RHPN2: variants seen among roughly 807,000 people sequenced by gnomAD.
RHPN2 encodes the protein rhophilin-2.
Under a neutral mutation model 79.0 loss-of-function variants are expected in RHPN2, and 40 were observed. The ratio of observed to expected loss-of-function variants is 0.51; its 90% CI spans 0.39 to 0.66. The LOEUF (loss-of-function observed/expected upper bound fraction) is 0.66, where lower values mean the gene tolerates loss of function less well. Among genes scored for constraint, RHPN2 ranks in the 30% least tolerant of loss-of-function variants. The pLI, the probability that RHPN2 is intolerant of heterozygous loss-of-function variation, is 0.00. For missense variants in RHPN2, 686 were observed against 883.5 expected (o/e 0.78, Z 2.83); for synonymous variants, 285 against 363.5 (o/e 0.78, Z 2.46).
At chr19:33,062,519 CA>C (rs1213349172) in intron 1 of RHPN2, among the ~76,000 whole-genome samples, 1 of 150,816 alleles carries the variant, frequency 6.6e-6, no homozygotes, top group Non-Finnish European at 1.5e-5. Flanking sequence ...CCTGTAATCC[CA>C]GCACTTTGGA....
chr19:33,050,689 G>GT (rs1022630527), intron 1 of RHPN2, among the ~76,000 whole-genome samples: 2 of 151,600 alleles, frequency 1.3e-5, no homozygotes, highest in Non-Finnish European at 2.9e-5. Context: ...TCCTTTTTTT[G>GT]TTTTTTTAGA....
At chr19:33,048,398 G>A (rs1046827331) in intron 1 of RHPN2, among the ~76,000 whole-genome samples, 31 of 151,542 alleles carry the variant, frequency 2.0e-4, no homozygotes, top group East Asian at 7.8e-4. Context: ...AGCATTAAAC[G>A]GTTTCCAATT....
At chr19:32,996,757 G>C (rs1051830375) in intron 10 of RHPN2, among the ~76,000 whole-genome samples, 1 of 150,360 alleles carries the variant, frequency 6.7e-6, no homozygotes, top group Non-Finnish European at 1.5e-5. Flanking sequence ...CCCCTTCTTC[G>C]GGCCCGAGAG....
intron 6 of RHPN2, among the ~76,000 whole-genome samples, chr19:33,009,253 A>T (rs1187241498): frequency 6.6e-6 from 1 of 151,756 alleles, no homozygotes; most frequent in African/African-American, 2.4e-5. Flanking sequence ...GAAACTATGG[A>T]CTCTGGGTGA....
At chr19:33,058,641 G>A (rs1196550926) in intron 1 of RHPN2, among the ~76,000 whole-genome samples, 2 of 152,068 alleles carry the variant, frequency 1.3e-5, no homozygotes, top group Non-Finnish European at 2.9e-5. Flanking sequence ...TTAGCTGGGC[G>A]TGGTGGCACG....
At chr19:33,049,688 C>G (rs955095226) in intron 1 of RHPN2, among the ~76,000 whole-genome samples, 1 of 152,162 alleles carries the variant, frequency 6.6e-6, no homozygotes, top group Non-Finnish European at 1.5e-5. Context: ...ACTGAGTGAA[C>G]CCCCGTGTCA....
intron 2 of RHPN2, among the ~76,000 whole-genome samples, chr19:33,037,080 C>T (rs1972064621): frequency 1.3e-5 from 2 of 152,154 alleles, no homozygotes; most frequent in Admixed American, 6.5e-5. Context: ...CTGGTGGGGA[C>T]GTGGAGAACC....
At chr19:33,037,027 C>G (rs1972064225) in intron 2 of RHPN2, among the ~76,000 whole-genome samples, 1 of 152,252 alleles carries the variant, frequency 6.6e-6, no homozygotes, top group Non-Finnish European at 1.5e-5. Flanking sequence ...ACCTGCGGCC[C>G]TGGTGTGGGA....
chr19:33,063,064 C>T (rs796798084), intron 1 of RHPN2, among the ~76,000 whole-genome samples: 6 of 152,212 alleles, frequency 3.9e-5, no homozygotes, highest in African/African-American at 1.4e-4. Context: ...AAAGAGGCAG[C>T]AACTTGCGGG....
At chr19:33,057,747 A>G (rs889875492) in intron 1 of RHPN2, among the ~76,000 whole-genome samples, 6 of 151,644 alleles carry the variant, frequency 4.0e-5, no homozygotes, top group South Asian at 2.1e-4. Flanking sequence ...CTCCCAAGGT[A>G]CCAGCCCAGA....
At chr19:33,016,550 G>A (rs7247742) in intron 4 of RHPN2, among the ~76,000 whole-genome samples, 47,055 of 151,624 alleles carry the variant, frequency 0.31, 8,676 homozygotes, top group African/African-American at 0.51. Flanking sequence ...GTGTGGTGGT[G>A]GGTGCCTGTA....
In RHPN2 at chr19:33,018,715, G is replaced by A. The variant is rs144165455; in HGVS notation, c.390+2856C>T. Among the ~76,000 whole-genome samples, 93 of 152,222 alleles carry A rather than the reference G, an allele frequency of 6.1e-4. 2 individuals carry two copies. In the East Asian group the frequency reaches 0.012, roughly 20 times the overall value. On this transcript the variant is annotated intron_variant, in intron 4 of 14. Coordinates refer to ENST00000254260, the MANE Select transcript of RHPN2 (RefSeq NM_033103.5). ...CAACTCACTGTCTCTGAGAATGAAC[G>A]TCAAGTGCTTCCAAAGTATTAACCA...
At chr19:33,061,395 CG>C (rs1217379651) in intron 1 of RHPN2, among the ~76,000 whole-genome samples, 1 of 151,240 alleles carries the variant, frequency 6.6e-6, no homozygotes, top group Non-Finnish European at 1.5e-5. Context: ...TTAGTAGAGA[CG>C]GGGTTTCACT....
chr19:32,981,878 A>G (rs1462780076), intron 14 of RHPN2, among the ~76,000 whole-genome samples: 1 of 151,530 alleles, frequency 6.6e-6, no homozygotes, highest in Non-Finnish European at 1.5e-5. Flanking sequence ...GAAACTTTGT[A>G]CCATTAAACA....
chr19:32,987,528 C>T (rs1037145792), intron 14 of RHPN2, among the ~76,000 whole-genome samples: 4 of 152,160 alleles, frequency 2.6e-5, no homozygotes, highest in African/African-American at 9.7e-5. Flanking sequence ...AACCCATCAC[C>T]CTCTCACTGC....
chr19:32,984,551 C>T (rs1186788185), intron 14 of RHPN2, among the ~76,000 whole-genome samples: 3 of 151,910 alleles, frequency 2.0e-5, no homozygotes, highest in Admixed American at 6.6e-5. Context: ...CCCAGCTACT[C>T]GGGAGGCTGA....
chr19:33,003,213 C>T (rs925485543), intron 7 of RHPN2, among the ~76,000 whole-genome samples: 1 of 151,596 alleles, frequency 6.6e-6, no homozygotes, highest in Non-Finnish European at 1.5e-5. Context: ...CAAAAATTAG[C>T]CGGGTGTGAT....
At chr19:33,029,690 T>G (rs1426113155) in intron 2 of RHPN2, among the ~76,000 whole-genome samples, 3 of 152,110 alleles carry the variant, frequency 2.0e-5, no homozygotes, top group Admixed American at 1.3e-4. Context: ...CATAGGTACG[T>G]CAGGGTCCCT....
At chr19:33,013,304 C>T (rs769367667) in intron 4 of RHPN2, among the ~76,000 whole-genome samples, 3 of 152,090 alleles carry the variant, frequency 2.0e-5, no homozygotes, top group African/African-American at 4.8e-5. Flanking sequence ...AAGTGATTCT[C>T]GTGCCTCAGC....
Sources: gnomAD v4.1 joint callset for allele counts (sites outside exome capture counted in the v4.1 genomes callset) on GRCh38, gnomAD v4.1.1 for gene constraint, MANE v1.5 for transcripts, NCBI Gene and HGNC (gene_info 2026-07-23, HGNC 2026-07-21) for gene names.